SWAP70: variants seen among roughly 807,000 people sequenced by gnomAD.
The protein encoded by SWAP70 is switching B cell complex subunit SWAP70.
Under a neutral mutation model 80.2 loss-of-function variants are expected in SWAP70, and 34 were observed. The observed-to-expected ratio is 0.42, with a 90% CI of 0.32 to 0.56. The LOEUF (loss-of-function observed/expected upper bound fraction) is 0.56. Among genes scored for constraint, SWAP70 ranks in the 20% least tolerant of loss-of-function variants. The pLI is 0.09. For synonymous variants in SWAP70, 239 were observed against 238.5 expected (o/e 1.00, Z -0.02); for missense variants, 578 against 690.7 (o/e 0.84, Z 1.83).
At chr11:9,671,148 A>G (rs867465012) in intron 1 of SWAP70, among the ~76,000 whole-genome samples, 13 of 129,820 alleles carry the variant, frequency 1.0e-4, no homozygotes, top group Middle Eastern at 3.8e-3. Flanking sequence ...TATAAATATA[A>G]AAATATATAA....
At chr11:9,689,835 C>G (rs1028361301) in intron 1 of SWAP70, among the ~76,000 whole-genome samples, 2 of 152,202 alleles carry the variant, frequency 1.3e-5, no homozygotes, top group Non-Finnish European at 2.9e-5. Context: ...CTTGGCTCTG[C>G]TGAATAGTGC....
intron 2 of SWAP70, among the ~76,000 whole-genome samples, chr11:9,705,300 G>A (rs1008390256): frequency 1.4e-5 from 2 of 146,118 alleles, no homozygotes; most frequent in African/African-American, 2.7e-5. Flanking sequence ...ATACACTGGT[G>A]ATCTGTGTAT....
At chr11:9,726,004 A>G (rs911338459) in intron 4 of SWAP70, among the ~76,000 whole-genome samples, 4 of 152,066 alleles carry the variant, frequency 2.6e-5, no homozygotes, top group Middle Eastern at 3.4e-3. Context: ...AATGTTATGC[A>G]TGTGTGTAGA....
chr11:9,696,948 A>C (rs1375798530), intron 2 of SWAP70, among the ~76,000 whole-genome samples: 1 of 152,182 alleles, frequency 6.6e-6, no homozygotes, highest in Non-Finnish European at 1.5e-5. Context: ...ATGGTGGCTT[A>C]TATCTGTAAT....
In SWAP70 at chr11:9,679,036, A is replaced by G. The variant is rs140808220; in HGVS notation, c.99+14758A>G. On this transcript the variant is annotated intron_variant, in intron 1 of 11. Coordinates refer to ENST00000318950, the MANE Select transcript of SWAP70 (RefSeq NM_015055.4). ...TTCTTTAAACTCAAAATCTGTGTCT[A>G]CTGGAAACTGCAGTTTTCAGCAGTT... Among the ~76,000 whole-genome samples the G allele has an allele frequency of 2.6e-3, 396 of 152,180 alleles. 1 individual carries two copies. The highest frequency in any genetic ancestry group is 8.6e-3 in the African/African-American group (359 of 41,530).
At position 9,675,336 on chromosome 11, in the gene SWAP70, A is replaced by G. The variant is rs964059537; in HGVS notation, c.99+11058A>G. 1.4e-3 allele frequency among the ~76,000 whole-genome samples: 71 copies of G among 49,076 alleles called. 27 individuals carry two copies. Among genetic ancestry groups the G allele is most frequent in the Non-Finnish European group, 2.2e-3 (35 of 16,088 alleles). 32.2% of individuals were successfully genotyped at this position (49,076 alleles called of 152,430 possible). A position where few individuals can be genotyped will look rare whatever the true frequency, so the allele number is the denominator to read the frequency against. ...GAGAGGGAGCGAGAGAGAGAGAGAG[A>G]GAGAGGGAGCGAGAGAGAGAGAGAG... is the stretch of plus-strand genomic sequence containing the variant. On this transcript the variant is annotated intron_variant, in intron 1 of 11. Coordinates refer to ENST00000318950, the MANE Select transcript of SWAP70 (RefSeq NM_015055.4).
At chr11:9,694,050 C>G in intron 1 of SWAP70, 96 bp from the exon 2 acceptor site, 1 of 1,396,060 alleles carries the variant, frequency 7.2e-7, no homozygotes, top group Non-Finnish European at 9.5e-7. Flanking sequence ...TTCCATCTTT[C>G]TCTACCCAGG....
chr11:9,672,717 T>C (rs1850435032), intron 1 of SWAP70, among the ~76,000 whole-genome samples: 1 of 152,018 alleles, frequency 6.6e-6, no homozygotes, highest in Non-Finnish European at 1.5e-5. Flanking sequence ...TTCGTTTAGA[T>C]AAATGTGCTT....
chr11:9,675,372 A>G (rs371005024), intron 1 of SWAP70, among the ~76,000 whole-genome samples: 4,814 of 23,622 alleles, frequency 0.2, 1,315 homozygotes, highest in Non-Finnish European at 0.37. Context: ...AGAGAGAGAG[A>G]GAGAGAGAGA....
intron 1 of SWAP70, among the ~76,000 whole-genome samples, chr11:9,671,465 TAA>T (rs1177524290): frequency 1.1e-5 from 1 of 88,586 alleles, no homozygotes; most frequent in Non-Finnish European, 2.0e-5. Flanking sequence ...AATATATATA[TAA>T]ATATATAAAA....
At chr11:9,713,772 C>T in intron 3 of SWAP70, 133 bp downstream of exon 3, 2 of 1,038,588 alleles carry the variant, frequency 1.9e-6, no homozygotes, top group Non-Finnish European at 2.8e-6. Flanking sequence ...AGAGGCAAAG[C>T]AGCCTGAGTA....
At chr11:9,744,208 C>T (rs1286158281) in intron 9 of SWAP70, among the ~76,000 whole-genome samples, 2 of 152,190 alleles carry the variant, frequency 1.3e-5, no homozygotes, top group Non-Finnish European at 2.9e-5. Flanking sequence ...GTGATCCACC[C>T]GCCTCGGCCT....
intron 2 of SWAP70, chr11:9,703,530 G>A: frequency 2.2e-6 from 1 of 455,882 alleles, no homozygotes; most frequent in Non-Finnish European, 4.4e-6. Context: ...TCCTCAGGGA[G>A]GTTTCTCCTG....
rs1005470695 is a variant in SWAP70 at position 9,679,767 on chromosome 11, C to G, written c.100-14379C>G. Among the ~76,000 whole-genome samples, 4 of 152,268 alleles carry G rather than the reference C, an allele frequency of 2.6e-5. No homozygotes were observed. In the East Asian group the frequency reaches 7.7e-4, roughly 29 times the overall value. ...CACTGCAAGCTCCACCTCCCAAGTTCACACCATTCTCCTGCCTTAGCCTCC... is the reference window on the plus strand; with the variant it reads ...CACTGCAAGCTCCACCTCCCAAGTTGACACCATTCTCCTGCCTTAGCCTCC... On this transcript the variant is annotated intron_variant, in intron 1 of 11. Coordinates refer to ENST00000318950, the MANE Select transcript of SWAP70 (RefSeq NM_015055.4).
chr11:9,728,308 A>T (rs1851252860), intron 5 of SWAP70, 109 bp downstream of exon 5: 11 of 1,177,124 alleles, frequency 9.3e-6, no homozygotes, highest in Non-Finnish European at 1.2e-5. Flanking sequence ...ATAATCCCCA[A>T]ATTTACATTT....
At chr11:9,685,311 C>T (rs544831733) in intron 1 of SWAP70, among the ~76,000 whole-genome samples, 6 of 152,236 alleles carry the variant, frequency 3.9e-5, no homozygotes, top group South Asian at 2.1e-4. Context: ...TCTAATTTTA[C>T]TGGTGCTTTC....
chr11:9,673,848 C>CAGAG (rs147969829), intron 1 of SWAP70, among the ~76,000 whole-genome samples: 1 of 150,134 alleles, frequency 6.7e-6, no homozygotes, highest in African/African-American at 2.4e-5. Context: ...GGCAGAAGGT[C>CAGAG]AGAGAGAGAG....
At chr11:9,670,778 G>A (rs1176858092) in intron 1 of SWAP70, among the ~76,000 whole-genome samples, 2 of 151,586 alleles carry the variant, frequency 1.3e-5, no homozygotes, top group African/African-American at 2.4e-5. Context: ...TTCTGAGGCG[G>A]AGTCTTGCTC....
At position 9,694,215 on chromosome 11, in the gene SWAP70, A is replaced by C; in HGVS notation, c.169A>C (p.Arg57=). ...HDPVALEEHF[R]DDDEGPVSNQ... The stretch of plus-strand genomic sequence containing the variant: ...CCCAGTTGCCCTTGAAGAGCACTTC[A>C]GGGATGATGATGAGGGTCCAGTGTC... Residue 57 remains arginine (R), a synonymous_variant, in exon 2 of 12, where the codon AGG becomes CGG. Coordinates refer to ENST00000318950, the MANE Select transcript of SWAP70 (RefSeq NM_015055.4). The C allele has an allele frequency of 6.2e-7, 1 of 1,613,312 alleles. No homozygotes were observed. Among genetic ancestry groups the C allele is most frequent in the African/African-American group, 1.3e-5 (1 of 74,998 alleles).
Sources: gnomAD v4.1 joint callset for allele counts (sites outside exome capture counted in the v4.1 genomes callset) on GRCh38, gnomAD v4.1.1 for gene constraint, MANE v1.5 for transcripts, NCBI Gene and HGNC (gene_info 2026-07-23, HGNC 2026-07-21) for gene names.